ITFG1: variants seen among roughly 807,000 people sequenced by gnomAD.
ITFG1 encodes integrin alpha FG-GAP repeat containing 1.
A neutral mutation model predicts 81.8 loss-of-function variants in ITFG1; 34 were observed. The ratio of observed to expected loss-of-function variants is 0.42; its 90% CI spans 0.32 to 0.55. The LOEUF is 0.55. Ranked by LOEUF, ITFG1 falls within the 20% of genes least tolerant of loss-of-function variation. The pLI is 0.17. For synonymous variants in ITFG1, 285 were observed against 270.6 expected (o/e 1.05, Z -0.52); for missense variants, 672 against 755.4 (o/e 0.89, Z 1.29).
At chr16:47,398,506 G>C (rs1968620224) in intron 6 of ITFG1, among the ~76,000 whole-genome samples, 1 of 152,174 alleles carries the variant, frequency 6.6e-6, no homozygotes, top group African/African-American at 2.4e-5. Flanking sequence ...AGTTTGTTTG[G>C]ATCACTTCAG....
chr16:47,428,194 T>TA (rs1292400718), intron 6 of ITFG1, among the ~76,000 whole-genome samples: 2 of 152,302 alleles, frequency 1.3e-5, no homozygotes, highest in African/African-American at 4.8e-5. Flanking sequence ...CAGTTTTAAA[T>TA]AAAAAAGTCC....
chr16:47,450,521 A>G, intron 5 of ITFG1: 1 of 325,592 alleles, frequency 3.1e-6, no homozygotes, highest in Non-Finnish European at 5.9e-6. Context: ...AATTTTCACA[A>G]TTTACTCCTC....
chr16:47,178,073 G>A (rs1965052313), intron 14 of ITFG1, among the ~76,000 whole-genome samples: 1 of 152,208 alleles, frequency 6.6e-6, no homozygotes, highest in African/African-American at 2.4e-5. Flanking sequence ...ATTTGGAGAT[G>A]TTTTAGGCTA....
At position 47,301,060 on chromosome 16, in the gene ITFG1, T is replaced by A. The variant is rs559059412; in HGVS notation, c.1070+10180A>T. 4.3e-3 allele frequency among the ~76,000 whole-genome samples: 653 copies of A among 152,328 alleles called. 2 individuals are homozygous for A. Among genetic ancestry groups the A allele is most frequent in the Non-Finnish European group, 7.1e-3 (484 of 68,026 alleles). The stretch of plus-strand genomic sequence containing the variant: ...CCAGGAGTATAATTTTTAAAAAGTA[T>A]TGAAACACAGAAATCTATGTGCCTT... On this transcript the variant is annotated intron_variant, in intron 10 of 17. Transcript: ENST00000320640.
intron 6 of ITFG1, 150 bp from the exon 7 acceptor site, chr16:47,376,090 A>T (rs1261872829): frequency 2.3e-5 from 7 of 308,826 alleles, no homozygotes; most frequent in African/African-American, 4.5e-5. Flanking sequence ...TCATCCCATT[A>T]AAAAAAAAAG....
intron 14 of ITFG1, among the ~76,000 whole-genome samples, chr16:47,164,127 G>A (rs1178101265): frequency 1.3e-5 from 2 of 149,256 alleles, no homozygotes; most frequent in East Asian, 1.9e-4. Flanking sequence ...CTCTGGTATC[G>A]CTTAACCCCA....
rs1454566975 is a variant in ITFG1 at position 47,155,374 on chromosome 16, A to C, written c.*345T>G. The C allele has an allele frequency of 6.0e-6, 1 of 166,100 alleles. No homozygotes were observed. Among genetic ancestry groups the C allele is most frequent in the Non-Finnish European group, 1.3e-5 (1 of 77,664 alleles). 10.3% of individuals were successfully genotyped at this position (166,100 alleles called of 1,614,324 possible). On this transcript the variant is annotated 3_prime_UTR_variant, in exon 18 of 18. Coordinates refer to ENST00000320640, the MANE Select transcript of ITFG1 (RefSeq NM_030790.5). ...CAAGACCAAGTCAAGTGGACACAAAAATTCCTGCTCATTTAATTATTTTTA... is the reference window on the plus strand; with the variant it reads ...CAAGACCAAGTCAAGTGGACACAAACATTCCTGCTCATTTAATTATTTTTA...
chr16:47,358,902 C>A (rs1018629821), intron 8 of ITFG1, among the ~76,000 whole-genome samples: 3 of 152,066 alleles, frequency 2.0e-5, no homozygotes, highest in African/African-American at 7.2e-5. Context: ...AATACCATGT[C>A]AGCAATAGTC....
At chr16:47,253,392 A>C (rs1238040607) in intron 12 of ITFG1, among the ~76,000 whole-genome samples, 1 of 152,158 alleles carries the variant, frequency 6.6e-6, no homozygotes, top group Non-Finnish European at 1.5e-5. Context: ...GATTACTTTA[A>C]AGAAGGGCTC....
intron 12 of ITFG1, among the ~76,000 whole-genome samples, chr16:47,246,165 A>G (rs1320373301): frequency 6.6e-6 from 1 of 152,218 alleles, no homozygotes; most frequent in Non-Finnish European, 1.5e-5. Flanking sequence ...TGTGTACAAT[A>G]AGCTAAAAAC....
chr16:47,280,157 G>C (rs1966436908), intron 10 of ITFG1, among the ~76,000 whole-genome samples: 1 of 152,106 alleles, frequency 6.6e-6, no homozygotes, highest in Admixed American at 6.6e-5. Context: ...TAGGTTCAAT[G>C]GGAGTAGAGA....
chr16:47,225,956 C>T (rs1368326805), intron 13 of ITFG1, among the ~76,000 whole-genome samples: 1 of 151,720 alleles, frequency 6.6e-6, no homozygotes, highest in African/African-American at 2.4e-5. Context: ...TTGTTTGTAG[C>T]TCTTTTCTCT....
chr16:47,415,233 A>C (rs1302184432), intron 6 of ITFG1, among the ~76,000 whole-genome samples: 1 of 152,212 alleles, frequency 6.6e-6, no homozygotes. Flanking sequence ...TTATGAAATG[A>C]GGTGAAAAGA....
At chr16:47,369,833 C>CTTTTTTTTTTTTTTTTTTT (rs71134539) in intron 7 of ITFG1, among the ~76,000 whole-genome samples, 2 of 51,708 alleles carry the variant, frequency 3.9e-5, no homozygotes, top group African/African-American at 7.8e-5. Flanking sequence ...TCAATATCCT[C>CTTTTTTTTTTTTTTTTTTT]TTTTTTTTTT....
chr16:47,161,264 G>A (rs1034309143), intron 16 of ITFG1, among the ~76,000 whole-genome samples: 1 of 152,214 alleles, frequency 6.6e-6, no homozygotes, highest in Non-Finnish European at 1.5e-5. Flanking sequence ...ACCCTCAGAT[G>A]CAGAAAGTGA....
At chr16:47,292,113 A>AC in intron 10 of ITFG1, among the ~76,000 whole-genome samples, 1 of 151,638 alleles carries the variant, frequency 6.6e-6, no homozygotes, top group Non-Finnish European at 1.5e-5. Flanking sequence ...TTCTGGTTTC[A>AC]AGAGATTCTC....
intron 6 of ITFG1, among the ~76,000 whole-genome samples, chr16:47,388,911 G>A (rs1035968244): frequency 1.4e-4 from 21 of 152,246 alleles, no homozygotes; most frequent in African/African-American, 4.3e-4. Flanking sequence ...CTGCACGGCT[G>A]CAGGGTCACA....
At chr16:47,285,133 TCTC>T (rs1252629629) in intron 10 of ITFG1, among the ~76,000 whole-genome samples, 1 of 152,276 alleles carries the variant, frequency 6.6e-6, no homozygotes, top group Middle Eastern at 3.4e-3. Context: ...CCTCTGACCT[TCTC>T]CTGCACTCCG....
intron 14 of ITFG1, among the ~76,000 whole-genome samples, chr16:47,177,697 A>G (rs1427157417): frequency 4.6e-5 from 7 of 152,214 alleles, no homozygotes; most frequent in Non-Finnish European, 1.5e-5. Flanking sequence ...ATTCTGGATA[A>G]CAGAAGATCA....
Sources: gnomAD v4.1 joint callset for allele counts (sites outside exome capture counted in the v4.1 genomes callset) on GRCh38, gnomAD v4.1.1 for gene constraint, MANE v1.5 for transcripts, NCBI Gene and HGNC (gene_info 2026-07-23, HGNC 2026-07-21) for gene names.